Variants in RAPGEF5 observed in about 807,000 individuals in gnomAD.
RAPGEF5 encodes M-Ras-regulated GEF.
RAPGEF5 carries 65 observed loss-of-function variants against 125.2 expected under a neutral mutation model. That is an observed-to-expected ratio of 0.52 (90% CI 0.43 to 0.64). The LOEUF (loss-of-function observed/expected upper bound fraction) is 0.64, where lower values mean the gene tolerates loss of function less well. RAPGEF5 is among the 30% of genes least tolerant of loss of function. The pLI, the probability that RAPGEF5 is intolerant of heterozygous loss-of-function variation, is 0.00. For synonymous variants in RAPGEF5, 391 were observed against 385.9 expected, an observed-to-expected ratio of 1.01 and a Z score of -0.16; for missense variants, 958 against 1,048.1, an observed-to-expected ratio of 0.91 and a Z score of 1.19.
chr7:22,351,488 G>A (rs1385267175), intron 1 of RAPGEF5, among the ~76,000 whole-genome samples: 2 of 152,072 alleles, frequency 1.3e-5, no homozygotes, highest in South Asian at 2.1e-4. Context: ...TTGGCTCTAC[G>A]GAAACAGGAT....
chr7:22,217,812 G>C (rs1055785538), intron 9 of RAPGEF5, among the ~76,000 whole-genome samples: 1 of 152,070 alleles, frequency 6.6e-6, no homozygotes, highest in African/African-American at 2.4e-5. Flanking sequence ...TGACAGTCAC[G>C]CAAGAAGTAA....
chr7:22,301,865 C>T (rs1783214180), intron 5 of RAPGEF5, among the ~76,000 whole-genome samples: 1 of 151,876 alleles, frequency 6.6e-6, no homozygotes, highest in South Asian at 2.1e-4. Context: ...GGTTTTTTTC[C>T]CACAGCTTCA....
Position 22,279,910 on chromosome 7 carries a change from A to G in RAPGEF5, c.747+11265T>C, listed in dbSNP as rs80331458. ...ACATGGAGGCAGAGAAAGAGAAAAA[A>G]GCTGTGCTGTGTTGGGATGGCCTCC... On this transcript the variant is annotated intron_variant, in intron 6 of 25. Transcript: ENST00000665637. Among the ~76,000 whole-genome samples, 326 of 152,286 alleles carry G rather than the reference A, an allele frequency of 2.1e-3. 1 individual carries two copies. The highest frequency in any genetic ancestry group is 7.5e-3 in the African/African-American group (313 of 41,560).
intron 14 of RAPGEF5, among the ~76,000 whole-genome samples, chr7:22,158,250 A>G (rs555419144): frequency 1.3e-5 from 2 of 152,348 alleles, no homozygotes; most frequent in South Asian, 2.1e-4. Flanking sequence ...TCATACAGTG[A>G]TAGTGACAGA....
chr7:22,327,340 T>C (rs186890746), intron 1 of RAPGEF5, among the ~76,000 whole-genome samples: 253 of 152,370 alleles, frequency 1.7e-3, no homozygotes, highest in African/African-American at 5.8e-3. Flanking sequence ...GATTCTTATT[T>C]ACATTTGAAT....
chr7:22,295,930 A>G (rs1783050120), intron 5 of RAPGEF5, among the ~76,000 whole-genome samples: 1 of 152,126 alleles, frequency 6.6e-6, no homozygotes, highest in South Asian at 2.1e-4. Context: ...ATCCATCACC[A>G]TTTCAGAAAC....
At chr7:22,329,680 T>C (rs576864239) in intron 1 of RAPGEF5, among the ~76,000 whole-genome samples, 27 of 152,348 alleles carry the variant, frequency 1.8e-4, no homozygotes, top group African/African-American at 6.3e-4. Flanking sequence ...GTGTCATAGC[T>C]AGATTGTTGT....
intron 9 of RAPGEF5, among the ~76,000 whole-genome samples, chr7:22,215,415 A>G (rs1275984159): frequency 1.3e-5 from 2 of 152,138 alleles, no homozygotes; most frequent in Non-Finnish European, 2.9e-5. Context: ...CTCAGGTGTA[A>G]ATTCTTCTTC....
Position 22,318,017 on chromosome 7 carries a change from A to G in RAPGEF5, c.252T>C (p.Ser84=), listed in dbSNP as rs1490717332. 1.3e-6 allele frequency: 2 copies of G among 1,545,280 alleles called. No individual in the cohort carries two copies. The highest frequency in any genetic ancestry group is 1.7e-6 in the Non-Finnish European group (2 of 1,145,522). The change falls in exon 2 of 26, where the codon TCT becomes TCC. Residue 84 remains serine (S), a synonymous_variant. Transcript: ENST00000665637. ...AAGGCGTATGTTCAAGGTACGGATT[A>G]GATATTCTTCTTGATAGAGTCTATT... ...AGGRTLSRRI[S]NPYLEHTPSQ...
At chr7:22,161,493 C>T (rs1371947194) in intron 13 of RAPGEF5, among the ~76,000 whole-genome samples, 7 of 145,710 alleles carry the variant, frequency 4.8e-5, no homozygotes, top group South Asian at 2.3e-4. Flanking sequence ...ACTATGACTG[C>T]GTCACTGCAC....
chr7:22,230,729 C>A, intron 8 of RAPGEF5, 117 bp downstream of exon 8: 2 of 920,218 alleles, frequency 2.2e-6, no homozygotes, highest in Non-Finnish European at 3.3e-6. Context: ...TTCCCAATAA[C>A]ATGGCTATTT....
At chr7:22,272,819 C>G (rs534236853) in intron 6 of RAPGEF5, among the ~76,000 whole-genome samples, 3 of 152,104 alleles carry the variant, frequency 2.0e-5, no homozygotes, top group Admixed American at 6.6e-5. Context: ...TGCAGTGGTA[C>G]GATCTCAGCT....
intron 25 of RAPGEF5, among the ~76,000 whole-genome samples, chr7:22,123,112 C>G (rs1325356754): frequency 6.6e-6 from 1 of 152,112 alleles, no homozygotes; most frequent in Admixed American, 6.5e-5. Context: ...ATGTGGTTAA[C>G]AGACGAAATA....
intron 1 of RAPGEF5, among the ~76,000 whole-genome samples, chr7:22,340,034 G>C (rs948149220): frequency 1.3e-5 from 2 of 152,090 alleles, no homozygotes; most frequent in Non-Finnish European, 2.9e-5. Context: ...AGATTGGGTG[G>C]GGTGAGGGCT....
intron 6 of RAPGEF5, among the ~76,000 whole-genome samples, chr7:22,275,581 A>G (rs1782536984): frequency 6.6e-6 from 1 of 152,210 alleles, no homozygotes. Context: ...GTGAGATTCA[A>G]TAGGAGATGC....
In RAPGEF5 at chr7:22,290,730, G is replaced by C. The variant is rs553806465; in HGVS notation, c.747+445C>G. On this transcript the variant is annotated intron_variant, in intron 6 of 25. Transcript: ENST00000665637. Reference sequence around the variant, plus strand: ...GCTGCACTCCAGCCTGGGCGACAGAGCGAGACTCCGTCTCAAAAAAAAAAA... The same window carrying C: ...GCTGCACTCCAGCCTGGGCGACAGACCGAGACTCCGTCTCAAAAAAAAAAA... Among the ~76,000 whole-genome samples the C allele has an allele frequency of 8.7e-3, 1,208 of 138,728 alleles. 17 individuals are homozygous for C. The highest frequency in any genetic ancestry group is 0.055 in the South Asian group (237 of 4,282). 91.0% of individuals were successfully genotyped at this position (138,728 alleles called of 152,430 possible).
intron 7 of RAPGEF5, among the ~76,000 whole-genome samples, chr7:22,237,018 T>C (rs192328396): frequency 6.6e-6 from 1 of 152,330 alleles, no homozygotes; most frequent in Non-Finnish European, 1.5e-5. Flanking sequence ...TCTCTTCCTT[T>C]GTACATTTCT....
chr7:22,186,575 G>T (rs1784832032), intron 11 of RAPGEF5, among the ~76,000 whole-genome samples: 1 of 152,120 alleles, frequency 6.6e-6, no homozygotes, highest in Admixed American at 6.5e-5. Flanking sequence ...CCTTCAGGAG[G>T]GTAAGGAGTT....
At chr7:22,152,329 C>G (rs564004811) in intron 17 of RAPGEF5, among the ~76,000 whole-genome samples, 1 of 152,158 alleles carries the variant, frequency 6.6e-6, no homozygotes, top group Admixed American at 6.5e-5. Context: ...CTTTGTTCAG[C>G]TATAATTTCT....
Sources: allele counts gnomAD v4.1 joint callset (sites outside exome capture counted in the v4.1 genomes callset), GRCh38; gene constraint gnomAD v4.1.1; transcripts MANE v1.5; gene names NCBI Gene and HGNC (gene_info 2026-07-23, HGNC 2026-07-21).